ZFP64: variants seen among roughly 807,000 people sequenced by gnomAD.
ZFP64 encodes ZFP64 zinc finger protein.
Under a neutral mutation model 51.6 loss-of-function variants are expected in ZFP64, and 14 were observed. The ratio of observed to expected loss-of-function variants is 0.27; its 90% CI spans 0.18 to 0.42. ZFP64 has a LOEUF of 0.42. ZFP64 is among the 10% of genes least tolerant of loss of function. ZFP64 has a pLI of 1.00. For missense variants in ZFP64, 754 were observed against 906.8 expected, an observed-to-expected ratio of 0.83 and a Z score of 2.16; for synonymous variants, 375 against 361.4, an observed-to-expected ratio of 1.04 and a Z score of -0.43.
At chr20:52,119,556 A>G (rs2122845389) in intron 5 of ZFP64, among the ~76,000 whole-genome samples, 1 of 92,434 alleles carries the variant, frequency 1.1e-5, no homozygotes, top group African/African-American at 4.8e-5. Flanking sequence ...ATATATATAC[A>G]TATATATATA....
At chr20:52,090,927 C>A (rs1183964169) in intron 7 of ZFP64, among the ~76,000 whole-genome samples, 6 of 68,076 alleles carry the variant, frequency 8.8e-5, no homozygotes, top group African/African-American at 1.1e-4. Context: ...CTGACTCTAC[C>A]AAAAAAAAAA....
chr20:52,108,291 G>C (rs527355872), intron 5 of ZFP64, among the ~76,000 whole-genome samples: 3 of 152,124 alleles, frequency 2.0e-5, no homozygotes, highest in East Asian at 1.9e-4. Context: ...AAAATGTCTT[G>C]ATTTTTGCCA....
intron 2 of ZFP64, among the ~76,000 whole-genome samples, chr20:52,169,206 T>G (rs1982513774): frequency 6.6e-6 from 1 of 152,178 alleles, no homozygotes; most frequent in African/African-American, 2.4e-5. Context: ...TGGTTGAATC[T>G]CAATAAATGT....
chr20:52,099,547 A>G (rs1464853750), intron 5 of ZFP64, among the ~76,000 whole-genome samples: 3 of 152,238 alleles, frequency 2.0e-5, no homozygotes, highest in Non-Finnish European at 4.4e-5. Flanking sequence ...ATGCTGGAAA[A>G]GCTGAGATGG....
rs1981047726 is a variant in ZFP64 at position 52,153,451 on chromosome 20, G to T, written c.764-23C>A. The T allele has an allele frequency of 6.2e-7, 1 of 1,603,222 alleles. No individual in the cohort carries two copies. The highest frequency in any genetic ancestry group is 8.5e-7 in the Non-Finnish European group (1 of 1,173,918). On this transcript the variant is annotated intron_variant, in intron 5 of 5. Coordinates refer to ENST00000216923, the MANE Select transcript of ZFP64 (RefSeq NM_018197.3). This position sits in a 1 kb window ranked among gnomAD's most constrained non-coding sequence, Gnocchi z 5.1. ...CCCCTGTCAACACAAGGTGAGTTTC[G>T]ATAAGAACAGGCAGGCAACAACCAC...
chr20:52,095,743 G>A (rs765885907), intron 7 of ZFP64, among the ~76,000 whole-genome samples: 35 of 152,196 alleles, frequency 2.3e-4, no homozygotes, highest in Non-Finnish European at 4.4e-4. Flanking sequence ...TCCAGCCCCT[G>A]TACATCTCTT....
At chr20:52,137,010 C>T (rs1980014130) in intron 5 of ZFP64, among the ~76,000 whole-genome samples, 1 of 152,222 alleles carries the variant, frequency 6.6e-6, no homozygotes, top group Non-Finnish European at 1.5e-5. Flanking sequence ...GGTGATCCAC[C>T]CACCTTGGCC....
intron 2 of ZFP64, among the ~76,000 whole-genome samples, chr20:52,182,048 G>T (rs554972247): frequency 2.1e-3 from 314 of 152,322 alleles, no homozygotes; most frequent in Non-Finnish European, 3.8e-3. Context: ...ATTAATAAAA[G>T]CGATCGCTCA....
intron 2 of ZFP64, among the ~76,000 whole-genome samples, chr20:52,170,366 C>T (rs557252052): frequency 1.7e-4 from 26 of 152,206 alleles, no homozygotes; most frequent in African/African-American, 5.3e-4. Flanking sequence ...GCAGGAGAAT[C>T]GCTTGGACCC....
chr20:52,104,014 G>A (rs1019848019), intron 5 of ZFP64, among the ~76,000 whole-genome samples: 2 of 152,300 alleles, frequency 1.3e-5, no homozygotes, highest in South Asian at 2.1e-4. Flanking sequence ...CCCGGAGAGG[G>A]GACCCATCCT....
At chr20:52,157,669 T>C (rs1981427235) in intron 5 of ZFP64, among the ~76,000 whole-genome samples, 2 of 152,188 alleles carry the variant, frequency 1.3e-5, no homozygotes, top group African/African-American at 4.8e-5. Context: ...TATACTACTT[T>C]CTTTCTTTTT....
At chr20:52,123,876 T>C (rs1423079116) in intron 5 of ZFP64, among the ~76,000 whole-genome samples, 1 of 110,072 alleles carries the variant, frequency 9.1e-6, no homozygotes, top group East Asian at 2.6e-4. Flanking sequence ...TTTTCTTTTT[T>C]GGGGGGGGGA....
chr20:52,185,980 T>C (rs1983936753), intron 2 of ZFP64, among the ~76,000 whole-genome samples: 1 of 152,222 alleles, frequency 6.6e-6, no homozygotes, highest in East Asian at 1.9e-4. Flanking sequence ...TTTCCCCAAG[T>C]TGATTGTCTT....
chr20:52,110,367 CCTTCT>C lies in ZFP64; in HGVS notation c.764-11785_764-11781del, dbSNP rs374299858. The C allele has an allele frequency of 5.7e-4, 304 of 529,674 alleles. 1 individual carries two copies. Among genetic ancestry groups the C allele is most frequent in the African/African-American group, 5.1e-3 (262 of 51,760 alleles). The allele number at this position is 529,674 out of a possible 1,614,324, so 32.8% of individuals were successfully genotyped here. On this transcript the variant is annotated intron_variant, in intron 5 of 8. Coordinates refer to the ZFP64 transcript ENST00000361387. ...TTTTACAACTCCTCGTTCTCAGCCC[CCTTCT>C]TCTGGAAGGCAGTTAGGATGTTTAA...
chr20:52,183,996 G>A lies in ZFP64; in HGVS notation c.286+2836C>T, dbSNP rs114471538. 4.4e-3 allele frequency among the ~76,000 whole-genome samples: 667 copies of A among 152,210 alleles called. 4 individuals carry two copies. The highest frequency in any genetic ancestry group is 0.015 in the African/African-American group (640 of 41,538). On this transcript the variant is annotated intron_variant, in intron 2 of 5. Coordinates refer to ENST00000216923, the MANE Select transcript of ZFP64 (RefSeq NM_018197.3). Reference sequence around the variant, plus strand: ...CTCCAAAGTAGCACGGACTATAGGCGAGTGACACCATGCCTGGCCAATTTT... The same window carrying A: ...CTCCAAAGTAGCACGGACTATAGGCAAGTGACACCATGCCTGGCCAATTTT...
At chr20:52,104,597 G>A (rs987812381) in intron 5 of ZFP64, 6 of 425,112 alleles carry the variant, frequency 1.4e-5, no homozygotes, top group Admixed American at 5.3e-5. Flanking sequence ...CAGCGCTGAC[G>A]CCCTGGGTCC....
intron 5 of ZFP64, among the ~76,000 whole-genome samples, chr20:52,139,644 C>T (rs1980156576): frequency 6.6e-6 from 1 of 151,824 alleles, no homozygotes; most frequent in Admixed American, 6.6e-5. Context: ...ACCCCCTAAA[C>T]CTAAAATAAA....
At position 52,160,397 on chromosome 20, in the gene ZFP64, A is replaced by G. The variant is rs1981690003; in HGVS notation, c.512-23T>C. 3 of 1,577,728 alleles carry G rather than the reference A, an allele frequency of 1.9e-6. No individual in the cohort carries two copies. In the South Asian group the frequency reaches 3.5e-5, roughly 18 times the overall value. The stretch of plus-strand genomic sequence containing the variant: ...CTCCTTCAAACACATACACACACAG[A>G]TGGCAGCAGGAAACAAGATTAAAAA... On this transcript the variant is annotated intron_variant, in intron 4 of 5. Transcript: ENST00000216923. This position sits in a 1 kb window ranked among gnomAD's most constrained non-coding sequence, Gnocchi z 4.2.
chr20:52,185,282 C>T (rs1043603475), intron 2 of ZFP64, among the ~76,000 whole-genome samples: 14 of 151,962 alleles, frequency 9.2e-5, no homozygotes, highest in African/African-American at 2.7e-4. Flanking sequence ...CCTCGGCCTC[C>T]GAAAGTGCTG....
Sources: gnomAD v4.1 joint callset for allele counts (sites outside exome capture counted in the v4.1 genomes callset) on GRCh38, gnomAD v4.1.1 for gene constraint, Gnocchi (gnomAD v3.1) non-coding constraint, MANE v1.5 for transcripts, NCBI Gene and HGNC (gene_info 2026-07-23, HGNC 2026-07-21) for gene names.